DMD: variants seen among roughly 807,000 people sequenced by gnomAD.
DMD encodes dystrophin.
A neutral mutation model predicts 330.1 loss-of-function variants in DMD; 63 were observed. The observed-to-expected ratio is 0.19, with a 90% CI of 0.16 to 0.24. The LOEUF is 0.24. Ranked by LOEUF, DMD falls within the 10% of genes least tolerant of loss-of-function variation. The pLI is 1.00. For missense variants in DMD, 3,344 were observed against 2,684.1 expected (o/e 1.25, Z -5.43); for synonymous variants, 1,223 against 959.8 (o/e 1.27, Z -5.07).
intron 54 of DMD, among the ~76,000 whole-genome samples, chrX:31,630,046 T>C (rs1180585697): frequency 8.9e-6 from 1 of 112,472 alleles, no homozygotes; most frequent in Non-Finnish European, 1.9e-5. Flanking sequence ...TGAGCTGCGC[T>C]TGATGCATCT....
intron 34 of DMD, among the ~76,000 whole-genome samples, chrX:32,379,633 T>C (rs2097916989): frequency 8.9e-6 from 1 of 111,942 alleles, no homozygotes; most frequent in South Asian, 3.6e-4. Flanking sequence ...CTACTTGTTC[T>C]CTGAATCTAC....
chrX:31,392,214 G>C (rs1473487638), intron 60 of DMD, among the ~76,000 whole-genome samples: 2 of 112,106 alleles, frequency 1.8e-5, no homozygotes, highest in Non-Finnish European at 3.8e-5. Context: ...AATTCCTGGA[G>C]TGTGGCAGCC....
chrX:32,677,113 AAATT>A (rs1482147328), intron 9 of DMD, among the ~76,000 whole-genome samples: 2 of 111,497 alleles, frequency 1.8e-5, no homozygotes, highest in Non-Finnish European at 3.8e-5. Context: ...AACTCCTATA[AAATT>A]AATTGAAAAG....
chrX:31,459,867 AG>A (rs1426425909), intron 59 of DMD, among the ~76,000 whole-genome samples: 8 of 112,180 alleles, frequency 7.1e-5, no homozygotes, highest in African/African-American at 2.6e-4. Context: ...TGCCTAATTC[AG>A]TTAACTCAAT....
At chrX:31,608,349 TACAAAAAAA>T (rs2077715201) in intron 55 of DMD, among the ~76,000 whole-genome samples, 1 of 111,698 alleles carries the variant, frequency 9.0e-6, no homozygotes, top group Non-Finnish European at 1.9e-5. Context: ...ACATGTTACT[TACAAAAAAA>T]TGAGCAGAAA....
chrX:31,449,797 TAGATAG>T (rs2065586873), intron 59 of DMD, among the ~76,000 whole-genome samples: 1 of 81,240 alleles, frequency 1.2e-5, no homozygotes, highest in Non-Finnish European at 2.4e-5. Flanking sequence ...TATATATATA[TAGATAG>T]ATAGATAGAT....
At chrX:31,369,598 G>A (rs908211430) in intron 60 of DMD, among the ~76,000 whole-genome samples, 2 of 111,485 alleles carry the variant, frequency 1.8e-5, no homozygotes, top group African/African-American at 6.5e-5. Flanking sequence ...AAAATGTTGA[G>A]GGTGGATTGG....
chrX:32,874,255 T>C (rs2083214698), intron 2 of DMD, among the ~76,000 whole-genome samples: 1 of 112,163 alleles, frequency 8.9e-6, no homozygotes, highest in Non-Finnish European at 1.9e-5. Context: ...TTGCGACAAG[T>C]TCATTTTTAC....
At chrX:33,182,328 G>A (rs1165280481) in intron 1 of DMD, among the ~76,000 whole-genome samples, 1 of 111,832 alleles carries the variant, frequency 8.9e-6, no homozygotes, top group East Asian at 2.8e-4. Context: ...GCAATGGTGA[G>A]ATCATGACTC....
chrX:31,853,372 G>A (rs1053269553), intron 48 of DMD, among the ~76,000 whole-genome samples: 3 of 112,046 alleles, frequency 2.7e-5, no homozygotes, highest in Non-Finnish European at 1.9e-5. Context: ...AATAGGTGGA[G>A]GACTAAATGT....
At chrX:32,035,541 A>C (rs1195236411) in intron 44 of DMD, 1 of 305,764 alleles carries the variant, frequency 3.3e-6, no homozygotes. Flanking sequence ...AGGCAATTGC[A>C]TGAGAGTTCC....
chrX:31,968,882 A>C (rs1194550474), intron 44 of DMD, among the ~76,000 whole-genome samples: 2 of 111,943 alleles, frequency 1.8e-5, no homozygotes, highest in Non-Finnish European at 3.8e-5. Flanking sequence ...AATGTTGTAA[A>C]ATTTAAACAT....
In DMD at chrX:32,228,244, G is replaced by A. The variant is rs182008893; in HGVS notation, c.6291-11181C>T. Among the ~76,000 whole-genome samples the A allele has an allele frequency of 4.4e-3, 493 of 111,012 alleles. 2 individuals are homozygous for A. Among genetic ancestry groups the A allele is most frequent in the African/African-American group, 0.015 (458 of 30,621 alleles). On this transcript the variant is annotated intron_variant, in intron 43 of 78. Coordinates refer to ENST00000357033, the MANE Select transcript of DMD (RefSeq NM_004006.3). ...TGATATTACTATTGTCTAGAACTCC[G>A]CAAATTTTCTTTGCCCTTCTCTTTT... is the stretch of plus-strand genomic sequence containing the variant.
chrX:31,336,771 G>T (rs1432139890), intron 61 of DMD, among the ~76,000 whole-genome samples: 1 of 111,985 alleles, frequency 8.9e-6, no homozygotes, highest in Non-Finnish European at 1.9e-5. Context: ...GAAGTCATAA[G>T]AAAGTAGAAA....
At chrX:32,926,772 G>A (rs1186763504) in intron 2 of DMD, among the ~76,000 whole-genome samples, 2 of 106,993 alleles carry the variant, frequency 1.9e-5, no homozygotes, top group East Asian at 5.9e-4. Flanking sequence ...AAAAAAAAGT[G>A]TTCTTCCTAC....
chrX:32,367,505 T>C (rs1197379727), intron 34 of DMD, among the ~76,000 whole-genome samples: 1 of 112,565 alleles, frequency 8.9e-6, no homozygotes, highest in East Asian at 2.8e-4. Flanking sequence ...TATTTTAGCA[T>C]CAATGTAAAA....
chrX:33,293,024 T>C (rs1394225231), intron 1 of DMD, among the ~76,000 whole-genome samples: 1 of 111,893 alleles, frequency 8.9e-6, no homozygotes, highest in Non-Finnish European at 1.9e-5. Context: ...CACTGCTTCA[T>C]AGTGGCCTTC....
chrX:32,786,086 A>AGTGAGTGTGT (rs1557029346), intron 7 of DMD, among the ~76,000 whole-genome samples: 19 of 96,567 alleles, frequency 2.0e-4, no homozygotes, highest in African/African-American at 6.6e-4. Flanking sequence ...GAGGAATAAG[A>AGTGAGTGTGT]GTGTGTGTGT....
chrX:32,769,185 G>A (rs1193772475), intron 7 of DMD, among the ~76,000 whole-genome samples: 1 of 112,462 alleles, frequency 8.9e-6, no homozygotes, highest in South Asian at 3.7e-4. Flanking sequence ...GAGACTGGAC[G>A]ATTTACAAAA....
Sources: allele counts gnomAD v4.1 joint callset (sites outside exome capture counted in the v4.1 genomes callset), GRCh38; gene constraint gnomAD v4.1.1; transcripts MANE v1.5; gene names NCBI Gene and HGNC (gene_info 2026-07-23, HGNC 2026-07-21).